Variants in GLI2 observed in about 807,000 individuals in gnomAD.
GLI2 encodes transcription activator GLI2.
A neutral mutation model predicts 78.9 loss-of-function variants in GLI2; 22 were observed. That is an observed-to-expected ratio of 0.28 (90% confidence interval 0.20 to 0.40). The LOEUF (loss-of-function observed/expected upper bound fraction) is 0.40, where lower values mean the gene tolerates loss of function less well. Ranked by LOEUF, GLI2 falls within the 10% of genes least tolerant of loss-of-function variation. GLI2 has a pLI of 1.00. For synonymous variants in GLI2, 974 were observed against 963.7 expected (o/e 1.01, Z -0.20); for missense variants, 2,097 against 2,213.2 (o/e 0.95, Z 1.05).
At chr2:120,761,705 T>C (rs1013200119) in intron 1 of GLI2, among the ~76,000 whole-genome samples, 11 of 152,286 alleles carry the variant, frequency 7.2e-5, no homozygotes, top group Non-Finnish European at 1.5e-4. Context: ...TGTTTGCTCC[T>C]CCAGCTTCCT....
chr2:120,939,823 C>T (rs971332425), intron 3 of GLI2, among the ~76,000 whole-genome samples: 1 of 152,200 alleles, frequency 6.6e-6, no homozygotes, highest in Non-Finnish European at 1.5e-5. Context: ...TTCATGTTCT[C>T]ACCCTCCTAG....
chr2:120,757,540 T>C (rs1325327277), intron 1 of GLI2, among the ~76,000 whole-genome samples: 1 of 152,254 alleles, frequency 6.6e-6, no homozygotes, highest in African/African-American at 2.4e-5. Flanking sequence ...CTCTTCCCTC[T>C]CATCCTCTCA....
chr2:120,753,695 A>G (rs1320466142), intron 1 of GLI2, among the ~76,000 whole-genome samples: 4 of 152,052 alleles, frequency 2.6e-5, no homozygotes, highest in East Asian at 1.9e-4. Context: ...TCAGGAGATC[A>G]AGACCATCCT....
chr2:120,889,584 T>A (rs1036287325), intron 2 of GLI2, among the ~76,000 whole-genome samples: 1 of 152,136 alleles, frequency 6.6e-6, no homozygotes, highest in Non-Finnish European at 1.5e-5. Context: ...GCAAACCTCA[T>A]ACCTGACAAG....
intron 2 of GLI2, among the ~76,000 whole-genome samples, chr2:120,880,701 G>A (rs1308712471): frequency 6.6e-6 from 1 of 152,168 alleles, no homozygotes; most frequent in Non-Finnish European, 1.5e-5. Flanking sequence ...GACAATTGAG[G>A]TATCTGCGTA....
intron 2 of GLI2, among the ~76,000 whole-genome samples, chr2:120,877,057 G>C (rs1320300063): frequency 6.6e-6 from 1 of 152,198 alleles, no homozygotes; most frequent in Non-Finnish European, 1.5e-5. Context: ...GCGGGGCCTC[G>C]GCCTTGGGTC....
chr2:120,777,632 G>T lies in GLI2; in HGVS notation c.-30-19659G>T, dbSNP rs578238906. ...GAGGGACAGTGATGAGTGGCCCAGGGTCTCTGCTGCCTGAGACTTGGCCAT... is the reference window on the plus strand; with the variant it reads ...GAGGGACAGTGATGAGTGGCCCAGGTTCTCTGCTGCCTGAGACTTGGCCAT... On this transcript the variant is annotated intron_variant, in intron 1 of 13. Coordinates refer to ENST00000361492, the MANE Select transcript of GLI2 (RefSeq NM_001374353.1). Among the ~76,000 whole-genome samples the T allele has an allele frequency of 1.3e-4, 19 of 151,776 alleles. No individual in the cohort carries two copies. The South Asian group carries it at 4.0e-3, about 32-fold the overall frequency.
intron 1 of GLI2, among the ~76,000 whole-genome samples, chr2:120,741,471 TTC>T (rs1682536502): frequency 6.6e-6 from 1 of 150,488 alleles, no homozygotes; most frequent in Admixed American, 6.6e-5. Context: ...GGTCTCTCCT[TTC>T]TCTCCCTCTC....
intron 1 of GLI2, among the ~76,000 whole-genome samples, chr2:120,773,931 T>TTCCTTCCTTCCC (rs1380796572): frequency 3.5e-4 from 25 of 70,736 alleles, no homozygotes; most frequent in African/African-American, 1.7e-3. Flanking sequence ...CCTTCCTTCC[T>TTCCTTCCTTCCC]TCCCTCCCTC....
Position 120,989,378 on chromosome 2 carries a change from A to G in GLI2, c.3413A>G (p.Asp1138Gly). Residue 1138 changes from aspartate to glycine, a missense_variant, in exon 14 of 14, where the codon GAC (aspartate) becomes GGC (glycine). Around this residue, in one of 5 missense-constraint regions of GLI2, gnomAD observed 1,290 missense variants for 1,261.7 expected, o/e 1.02. Coordinates refer to ENST00000361492, the MANE Select transcript of GLI2 (RefSeq NM_001374353.1). Reference sequence around the variant, plus strand: ...AATGAGGTGAGCTCCGGCACCGTAGACGCCCTGGCCAGCCAGGTGAAGCCT... The same window carrying G: ...AATGAGGTGAGCTCCGGCACCGTAGGCGCCCTGGCCAGCCAGGTGAAGCCT... Reference protein sequence around the residue: ...QWNEVSSGTVDALASQVKPPP... With the variant: ...QWNEVSSGTVGALASQVKPPP... 1.2e-6 allele frequency: 2 copies of G among 1,612,908 alleles called. No homozygotes were observed. The highest frequency in any genetic ancestry group is 1.7e-6 in the Non-Finnish European group (2 of 1,179,932).
intron 8 of GLI2, chr2:120,972,693 G>A (rs947704521): frequency 2.1e-5 from 11 of 518,628 alleles, no homozygotes; most frequent in African/African-American, 1.2e-4. Context: ...CACTGACACA[G>A]TATTTTCCAA....
intron 1 of GLI2, among the ~76,000 whole-genome samples, chr2:120,787,383 C>T (rs980037381): frequency 9.9e-5 from 15 of 152,198 alleles, no homozygotes; most frequent in African/African-American, 3.6e-4. Flanking sequence ...CAAGGATTTT[C>T]CACCCTCAGT....
At chr2:120,983,946 GGTGTGTGTGT>G (rs5833859) in intron 11 of GLI2, among the ~76,000 whole-genome samples, 9 of 143,212 alleles carry the variant, frequency 6.3e-5, no homozygotes, top group Middle Eastern at 3.5e-3. Flanking sequence ...TGGTGTGTGG[GGTGTGTGTGT>G]GTGTGTGTGT....
intron 3 of GLI2, among the ~76,000 whole-genome samples, chr2:120,944,836 A>G (rs770610972): frequency 6.6e-6 from 1 of 152,256 alleles, no homozygotes; most frequent in Non-Finnish European, 1.5e-5. Flanking sequence ...TATTGCACGT[A>G]GTAGGCGTTC....
chr2:120,860,313 C>T (rs893828280), intron 2 of GLI2, among the ~76,000 whole-genome samples: 13 of 152,178 alleles, frequency 8.5e-5, no homozygotes, highest in Non-Finnish European at 1.5e-4. Context: ...CAAGGAGCTG[C>T]ATGAAGGTCT....
chr2:120,892,171 C>G (rs569761732), intron 2 of GLI2, among the ~76,000 whole-genome samples: 2 of 152,348 alleles, frequency 1.3e-5, no homozygotes, highest in East Asian at 1.9e-4. Context: ...GATTTGGTCT[C>G]TTTGCTCACG....
rs182618064 is a variant in GLI2 at position 120,797,483 on chromosome 2, G to A, written c.148+15G>A. 6.3e-5 allele frequency: 102 copies of A among 1,611,692 alleles called. No individual in the cohort carries two copies. In the East Asian group the frequency reaches 7.1e-4, roughly 11 times the overall value. Reference sequence around the variant, plus strand: ...TGCCCAAGGAGGTACTTTCTGTTTCGCACACTTGGAGGGCAGCAGGGGTGT... The same window carrying A: ...TGCCCAAGGAGGTACTTTCTGTTTCACACACTTGGAGGGCAGCAGGGGTGT... On this transcript the variant is annotated intron_variant, in intron 2 of 13. Coordinates refer to ENST00000361492, the MANE Select transcript of GLI2 (RefSeq NM_001374353.1).
chr2:120,774,577 C>T lies in GLI2; in HGVS notation c.-30-22714C>T, dbSNP rs527471304. Reference sequence around the variant, plus strand: ...GACAGGAAGTGGAAAATTGGTAACCCGTGGCCTGGTCATCACCAGGCTGTT... The same window carrying T: ...GACAGGAAGTGGAAAATTGGTAACCTGTGGCCTGGTCATCACCAGGCTGTT... On this transcript the variant is annotated intron_variant, in intron 1 of 13. Transcript: ENST00000361492. Among the ~76,000 whole-genome samples the T allele has an allele frequency of 1.5e-3, 225 of 152,252 alleles. 5 individuals carry two copies. Among genetic ancestry groups the T allele is most frequent in the South Asian group, 0.01 (49 of 4,818 alleles).
chr2:120,967,657 T>A (rs906258552), intron 5 of GLI2, among the ~76,000 whole-genome samples: 2 of 152,258 alleles, frequency 1.3e-5, no homozygotes, highest in African/African-American at 4.8e-5. Flanking sequence ...TGTGTGCATA[T>A]GCATGTGTAC....
Sources: gnomAD v4.1 joint callset for allele counts (sites outside exome capture counted in the v4.1 genomes callset) on GRCh38, gnomAD v4.1.1 for gene constraint, gnomAD v4.1.1 regional missense constraint, MANE v1.5 for transcripts, NCBI Gene and HGNC (gene_info 2026-07-23, HGNC 2026-07-21) for gene names.